ADGRE3: variants seen among roughly 807,000 people sequenced by gnomAD.
ADGRE3 encodes EGF-like module receptor 3.
A neutral mutation model predicts 80.1 loss-of-function variants in ADGRE3; 88 were observed. The observed-to-expected ratio is 1.10, with a 90% CI of 0.93 to 1.31. The LOEUF is 1.31. ADGRE3 is among the 40% of genes most tolerant of loss of function. The probability of loss-of-function intolerance (pLI) is 0.00; values close to 1 mark genes in which losing one functional copy is unlikely to be tolerated. For missense variants in ADGRE3, 715 were observed against 776.5 expected, an observed-to-expected ratio of 0.92 and a Z score of 0.94; for synonymous variants, 281 against 294.8, an observed-to-expected ratio of 0.95 and a Z score of 0.48.
chr19:14,645,648 C>T (rs1971380032), intron 8 of ADGRE3, among the ~76,000 whole-genome samples: 1 of 150,694 alleles, frequency 6.6e-6, no homozygotes, highest in Non-Finnish European at 1.5e-5. Context: ...GACAGAGACT[C>T]CGACTCAAAA....
chr19:14,640,371 C>G (rs530839995), intron 10 of ADGRE3, among the ~76,000 whole-genome samples: 6 of 152,196 alleles, frequency 3.9e-5, no homozygotes, highest in Admixed American at 3.9e-4. Context: ...CTCACTGCAG[C>G]CTCTGCCTCC....
At chr19:14,655,295 C>T in intron 5 of ADGRE3, 130 bp from the exon 6 acceptor site, 2 of 720,154 alleles carry the variant, frequency 2.8e-6, no homozygotes, top group East Asian at 5.5e-5. Context: ...CCTGGCACTT[C>T]ATCATGTCCC....
At chr19:14,610,556 G>A in the ADGRE3 span, 6 of 204,298 alleles carry the variant, frequency 2.9e-5, no homozygotes, top group Middle Eastern at 1.9e-3. Context: ...ATATCCTGGC[G>A]CCTGTGAACC....
rs1398391567 is a variant in ADGRE3 at position 14,630,207 on chromosome 19, C to A, written c.1644G>T (p.Arg548Ser). 1.3e-6 allele frequency: 2 copies of A among 1,596,740 alleles called. No homozygotes were observed. The highest frequency in any genetic ancestry group is 1.7e-6 in the Non-Finnish European group (2 of 1,170,598). The change falls in exon 14 of 16, where the codon AGG (arginine) becomes AGT (serine). Residue 548 changes from arginine (R) to serine (S), a missense_variant and splice_region_variant. Transcript: ENST00000253673. ...NSEVSTIQNTRMLAFKATAQL... is the reference protein window; with the variant it reads ...NSEVSTIQNTSMLAFKATAQL... ...GAGCTGTTGCTTTGAAAGCCAGCAT[C>A]CTGGGAGGAGGAAGTCAGAGATTAG...
chr19:14,640,263 G>C (rs985636483), intron 10 of ADGRE3, among the ~76,000 whole-genome samples: 1 of 151,988 alleles, frequency 6.6e-6, no homozygotes, highest in Non-Finnish European at 1.5e-5. Context: ...CCTTGCTATG[G>C]GGGGGACAAA....
At chr19:14,619,740 G>A (rs1970481133) in intron 15 of ADGRE3, among the ~76,000 whole-genome samples, 1 of 152,136 alleles carries the variant, frequency 6.6e-6, no homozygotes, top group Non-Finnish European at 1.5e-5. Context: ...CAGCCCCCTG[G>A]ATGTTTTTTT....
intron 15 of ADGRE3, among the ~76,000 whole-genome samples, chr19:14,621,410 G>A (rs1339505480): frequency 6.6e-6 from 1 of 151,768 alleles, no homozygotes; most frequent in African/African-American, 2.4e-5. Context: ...AGCCGAGATT[G>A]CACCACTGTA....
the ADGRE3 span, chr19:14,607,049 C>T: frequency 7.4e-7 from 1 of 1,353,362 alleles, no homozygotes; most frequent in Admixed American, 3.0e-5. Context: ...GGCTGAATGA[C>T]AGGGCCCAGG....
chr19:14,663,265 A>G (rs1476445436), intron 3 of ADGRE3, among the ~76,000 whole-genome samples, 153 bp downstream of exon 3: 1 of 151,836 alleles, frequency 6.6e-6, no homozygotes, highest in Non-Finnish European at 1.5e-5. Flanking sequence ...GGCCTCCCCA[A>G]GTGCTGGGAT....
the ADGRE3 span, among the ~76,000 whole-genome samples, chr19:14,613,210 GCCA>G: frequency 6.6e-6 from 1 of 150,858 alleles, no homozygotes; most frequent in Non-Finnish European, 1.5e-5. Context: ...ACAGGCGTGA[GCCA>G]CCATGCCTGG....
the ADGRE3 span, among the ~76,000 whole-genome samples, chr19:14,600,891 CTTTTTTTTTTTT>C: frequency 0.068 from 4,323 of 63,274 alleles, 350 homozygotes; most frequent in African/African-American, 0.25. Flanking sequence ...GCTCGGCCTT[CTTTTTTTTTTTT>C]TTTTTTTTTT....
intron 4 of ADGRE3, among the ~76,000 whole-genome samples, chr19:14,659,822 GAAAAAAAAAA>G (rs66908687): frequency 4.5e-5 from 2 of 44,820 alleles, no homozygotes; most frequent in South Asian, 2.0e-3. Flanking sequence ...CTCTGCCTCT[GAAAAAAAAAA>G]AAAAAAAAAA....
downstream of ADGRE3, chr19:14,619,093 T>C (rs1034775511): frequency 6.3e-5 from 19 of 303,254 alleles, no homozygotes; most frequent in Non-Finnish European, 1.1e-4. Flanking sequence ...AGAGTGAAAC[T>C]CTGTCTTAAA....
chr19:14,616,183 C>T (rs559053591), downstream of ADGRE3, among the ~76,000 whole-genome samples: 9 of 152,080 alleles, frequency 5.9e-5, no homozygotes, highest in African/African-American at 2.2e-4. Context: ...GTGATCTCCT[C>T]GTGATCTCCA....
chr19:14,603,329 CTGAA>C, the ADGRE3 span, among the ~76,000 whole-genome samples: 1 of 152,154 alleles, frequency 6.6e-6, no homozygotes, highest in African/African-American at 2.4e-5. Flanking sequence ...CATCTACAGA[CTGAA>C]TGATCCTGGG....
chr19:14,641,688 G>A (rs1208346924), intron 9 of ADGRE3, 72 bp from the exon 10 acceptor site: 16 of 1,562,012 alleles, frequency 1.0e-5, no homozygotes, highest in Non-Finnish European at 1.3e-5. Flanking sequence ...TTGAACTGGG[G>A]CATCCTAGAC....
intron 1 of ADGRE3, among the ~76,000 whole-genome samples, chr19:14,672,430 A>T (rs1322221263): frequency 8.5e-5 from 13 of 152,140 alleles, no homozygotes; most frequent in South Asian, 2.1e-4. Flanking sequence ...AAGCTTCCTT[A>T]TGTGAAATAG....
chr19:14,667,089 A>G (rs1482406511), intron 2 of ADGRE3, among the ~76,000 whole-genome samples: 2 of 152,106 alleles, frequency 1.3e-5, no homozygotes, highest in Non-Finnish European at 2.9e-5. Context: ...TCCTTCCAAC[A>G]TGGTGACCTC....
At chr19:14,630,266 C>T (rs1970845768) in intron 13 of ADGRE3, 59 bp from the exon 14 acceptor site, 2 of 1,417,288 alleles carry the variant, frequency 1.4e-6, no homozygotes, top group Non-Finnish European at 1.9e-6. Flanking sequence ...CATGAACACC[C>T]CTCTAGTTAG....
Sources: allele counts gnomAD v4.1 joint callset (sites outside exome capture counted in the v4.1 genomes callset), GRCh38; gene constraint gnomAD v4.1.1; transcripts MANE v1.5; gene names NCBI Gene and HGNC (gene_info 2026-07-23, HGNC 2026-07-21).